The following FYB1 variants were observed in gnomAD, a reference collection of about 807,000 sequenced individuals.
The protein encoded by FYB1 is FYN binding protein 1.
A neutral mutation model predicts 94.1 loss-of-function variants in FYB1; 41 were observed. The ratio of observed to expected loss-of-function variants is 0.44; its 90% CI spans 0.34 to 0.57. FYB1 has a LOEUF of 0.57. FYB1 is among the 20% of genes least tolerant of loss of function. The pLI is 0.02. For synonymous variants in FYB1, 367 were observed against 353.2 expected (o/e 1.04, Z -0.44); for missense variants, 1,050 against 976.8 (o/e 1.07, Z -1.00).
chr5:39,169,361 G>C, intron 2 of FYB1: 1 of 754,932 alleles, frequency 1.3e-6, no homozygotes, highest in Non-Finnish European at 2.4e-6. Flanking sequence ...TACTAAACCG[G>C]TCAATTGAAC....
chr5:39,247,082 ATATATATAT>A lies in FYB1; in HGVS notation c.-28+27312_-28+27320del, dbSNP rs1316690572. On this transcript the variant is annotated intron_variant, in intron 1 of 1. Coordinates refer to the FYB1 transcript ENST00000510188. ...ACAAAATGCGTGTTCATATATATAT[ATATATATAT>A]ATATATATATATATATATATATATG... Among the ~76,000 whole-genome samples, 3 of 126,138 alleles carry A rather than the reference ATATATATAT, an allele frequency of 2.4e-5. No individual in the cohort carries two copies. The East Asian group carries it at 6.8e-4, about 28-fold the overall frequency. 82.8% of individuals were successfully genotyped at this position (126,138 alleles called of 152,430 possible). A position where few individuals can be genotyped will look rare whatever the true frequency, so the allele number is the denominator to read the frequency against.
chr5:39,147,216 T>G (rs1742734596), intron 3 of FYB1, among the ~76,000 whole-genome samples: 1 of 152,078 alleles, frequency 6.6e-6, no homozygotes, highest in African/African-American at 2.4e-5. Flanking sequence ...GAAAGCTTAT[T>G]AGTGCTTTAT....
chr5:39,139,078 T>TA (rs2150327085), intron 5 of FYB1, 155 bp downstream of exon 5: 1 of 829,060 alleles, frequency 1.2e-6, no homozygotes, highest in Non-Finnish European at 1.8e-6. Flanking sequence ...TGTAACATCT[T>TA]AAGCATTTTA....
intron 1 of FYB1, among the ~76,000 whole-genome samples, chr5:39,267,783 C>G (rs1406266581): frequency 2.6e-5 from 4 of 152,202 alleles, no homozygotes; most frequent in Non-Finnish European, 5.9e-5. Context: ...TGCTGCTTAA[C>G]AACAAGGTAA....
chr5:39,139,176 T>C, intron 5 of FYB1, 57 bp downstream of exon 5: 1 of 1,390,418 alleles, frequency 7.2e-7, no homozygotes, highest in Non-Finnish European at 9.7e-7. Flanking sequence ...TGAATCATAA[T>C]ACTTGTGAAA....
At chr5:39,238,689 G>C (rs1289237347) in intron 1 of FYB1, among the ~76,000 whole-genome samples, 2 of 152,072 alleles carry the variant, frequency 1.3e-5, no homozygotes, top group African/African-American at 4.8e-5. Context: ...CATCAAATCA[G>C]CACAAAATCT....
chr5:39,175,191 C>A (rs1412171367), intron 2 of FYB1, among the ~76,000 whole-genome samples: 3 of 152,112 alleles, frequency 2.0e-5, no homozygotes, highest in Non-Finnish European at 4.4e-5. Flanking sequence ...TCCAGCCAGG[C>A]AGACACTACA....
intron 2 of FYB1, among the ~76,000 whole-genome samples, chr5:39,183,292 C>A (rs1171631409): frequency 2.0e-5 from 3 of 152,092 alleles, no homozygotes; most frequent in African/African-American, 7.2e-5. Context: ...GGCCTTGTTT[C>A]CTTTTTTTAA....
intron 1 of FYB1, among the ~76,000 whole-genome samples, chr5:39,255,642 G>A (rs573118386): frequency 2.6e-5 from 4 of 152,252 alleles, no homozygotes; most frequent in Admixed American, 2.6e-4. Context: ...TGCCTACGCA[G>A]AGGACAAACT....
chr5:39,202,391 C>A lies in FYB1; in HGVS notation c.570G>T (p.Lys190Asn). Residue 190 changes from lysine (K) to asparagine (N), a missense_variant, in exon 2 of 19, where the codon AAG becomes AAT. By Grantham distance (94) the Lys-to-Asn change is moderately conservative (BLOSUM62 0). Transcript: ENST00000512982. ...FMSASQDLEP[K>N]PLFPKPAFGQ... ...CAAAGGCGGGTTTGGGGAAGAGGGG[C>A]TTGGGTTCAAGATCTTGTGATGCTG... 6.2e-7 allele frequency: 1 copy of A among 1,613,888 alleles called. No homozygotes were observed. Among genetic ancestry groups the A allele is most frequent in the Non-Finnish European group, 8.5e-7 (1 of 1,179,882 alleles).
intron 1 of FYB1, among the ~76,000 whole-genome samples, chr5:39,253,805 A>G (rs1341042152): frequency 6.6e-6 from 1 of 152,140 alleles, no homozygotes; most frequent in Non-Finnish European, 1.5e-5. Context: ...TAAGCCTAGT[A>G]CCCAATATTT....
intron 2 of FYB1, among the ~76,000 whole-genome samples, chr5:39,178,801 C>T (rs916180606): frequency 1.3e-5 from 2 of 152,106 alleles, no homozygotes; most frequent in Non-Finnish European, 1.5e-5. Context: ...AGACAGCTTC[C>T]CCCCAACATC....
chr5:39,165,249 G>A (rs1580434537), intron 2 of FYB1, among the ~76,000 whole-genome samples: 1 of 152,138 alleles, frequency 6.6e-6, no homozygotes, highest in African/African-American at 2.4e-5. Context: ...ATACGACAAG[G>A]CTATAGCAAC....
At position 39,258,024 on chromosome 5, in the gene FYB1, G is replaced by A. The variant is rs189413400; in HGVS notation, c.-28+16379C>T. ...ACTGGGAAGGCTTTGTTAATACACA[G>A]GTGGCTGGGCCCCACCTCCTTTCTT... On this transcript the variant is annotated intron_variant, in intron 1 of 1. Transcript: ENST00000510188. Among the ~76,000 whole-genome samples, 131 of 152,296 alleles carry A rather than the reference G, an allele frequency of 8.6e-4. 3 individuals carry two copies. Among genetic ancestry groups the A allele is most frequent in the African/African-American group, 3.0e-3 (123 of 41,564 alleles).
At chr5:39,200,647 C>T (rs977104883) in intron 2 of FYB1, among the ~76,000 whole-genome samples, 3 of 152,168 alleles carry the variant, frequency 2.0e-5, no homozygotes, top group African/African-American at 7.2e-5. Context: ...TCATTCCAAA[C>T]TTGCTTTCTG....
At chr5:39,135,944 T>C (rs889940873) in intron 7 of FYB1, among the ~76,000 whole-genome samples, 2 of 152,180 alleles carry the variant, frequency 1.3e-5, no homozygotes, top group South Asian at 2.1e-4. Context: ...TCCTATCTTT[T>C]CTTACTAAAA....
chr5:39,153,519 T>G lies in FYB1; in HGVS notation c.1221A>C (p.Pro407=). The G allele has an allele frequency of 6.2e-7, 1 of 1,613,908 alleles. No homozygotes were observed. ...CTGGTGGTTGTGATGGGTGAGATGC[T>G]GGCAATGGTGGTTGGCTGGCCGGAT... ...PSHPASQPPL[P]ASHPSQPPVP... The change falls in exon 3 of 19, where the codon CCA becomes CCC. Residue 407 remains proline (P), a synonymous_variant. Transcript: ENST00000512982.
intron 3 of FYB1, among the ~76,000 whole-genome samples, chr5:39,152,581 A>C (rs1490666665): frequency 6.6e-6 from 1 of 152,210 alleles, no homozygotes; most frequent in Admixed American, 6.5e-5. Flanking sequence ...ATTTTGTCTT[A>C]AGGATTTATG....
At chr5:39,175,041 G>A (rs865981443) in intron 2 of FYB1, among the ~76,000 whole-genome samples, 15 of 152,150 alleles carry the variant, frequency 9.9e-5, no homozygotes, top group Admixed American at 2.6e-4. Context: ...GTGTGTGTGC[G>A]TTTGTGGTGG....
Sources: allele counts gnomAD v4.1 joint callset (sites outside exome capture counted in the v4.1 genomes callset), GRCh38; gene constraint gnomAD v4.1.1; transcripts MANE v1.5; gene names NCBI Gene and HGNC (gene_info 2026-07-23, HGNC 2026-07-21).